DPYD: variants seen among roughly 807,000 people sequenced by gnomAD.
DPYD encodes the protein dihydropyrimidine dehydrogenase [NADP(+)].
DPYD carries 109 observed loss-of-function variants against 116.2 expected under a neutral mutation model. That is an observed-to-expected ratio of 0.94 (90% confidence interval 0.80 to 1.10). The LOEUF (loss-of-function observed/expected upper bound fraction) is 1.10, where lower values mean the gene tolerates loss of function less well. Among genes scored for constraint, DPYD ranks in the 50% least tolerant of loss-of-function variants. The probability of loss-of-function intolerance (pLI) is 0.00; values close to 1 mark genes in which losing one functional copy is unlikely to be tolerated. For synonymous variants in DPYD, 440 were observed against 432.0 expected (o/e 1.02, Z -0.23); for missense variants, 1,302 against 1,254.5 (o/e 1.04, Z -0.57).
intron 20 of DPYD, among the ~76,000 whole-genome samples, chr1:97,130,906 ACTCC>A (rs1246604713): frequency 1.2e-5 from 1 of 81,918 alleles, no homozygotes; most frequent in African/African-American, 4.7e-5. Context: ...TCCCTCCCTC[ACTCC>A]CTCCCTCCCT....
intron 3 of DPYD, among the ~76,000 whole-genome samples, chr1:97,768,975 C>A (rs1571327213): frequency 1.3e-5 from 2 of 151,392 alleles, no homozygotes; most frequent in East Asian, 3.9e-4. Context: ...AAGAAAAAAA[C>A]ACATAAAAAA....
chr1:97,337,434 C>A (rs759752471), intron 16 of DPYD, among the ~76,000 whole-genome samples: 6 of 152,122 alleles, frequency 3.9e-5, no homozygotes, highest in Non-Finnish European at 4.4e-5. Flanking sequence ...ACGAAAGCTA[C>A]TAATTTCCCA....
At chr1:97,866,411 C>A (rs540499253) in intron 2 of DPYD, among the ~76,000 whole-genome samples, 1 of 151,898 alleles carries the variant, frequency 6.6e-6, no homozygotes. Context: ...ATGTGAACTT[C>A]AATTTTTATA....
chr1:97,203,868 T>G (rs955597876), intron 19 of DPYD, among the ~76,000 whole-genome samples: 2 of 145,510 alleles, frequency 1.4e-5, no homozygotes, highest in African/African-American at 5.1e-5. Flanking sequence ...AAATAACATC[T>G]CAAATAGTCC....
chr1:97,411,373 A>T (rs1419434243), intron 14 of DPYD, among the ~76,000 whole-genome samples: 1 of 151,984 alleles, frequency 6.6e-6, no homozygotes, highest in Non-Finnish European at 1.5e-5. Flanking sequence ...CTCCCACTTT[A>T]TCATATTCCA....
At chr1:97,411,263 A>C (rs1673977354) in intron 14 of DPYD, among the ~76,000 whole-genome samples, 1 of 152,158 alleles carries the variant, frequency 6.6e-6, no homozygotes, top group African/African-American at 2.4e-5. Flanking sequence ...AGCTGGCACA[A>C]TAATGAAGCT....
intron 2 of DPYD, among the ~76,000 whole-genome samples, chr1:97,841,658 A>G (rs1670042543): frequency 6.6e-6 from 1 of 151,984 alleles, no homozygotes; most frequent in African/African-American, 2.4e-5. Flanking sequence ...CCTGAACCTG[A>G]CAGGATCATA....
chr1:97,872,758 T>C (rs1215442075), intron 2 of DPYD, among the ~76,000 whole-genome samples: 1 of 151,888 alleles, frequency 6.6e-6, no homozygotes, highest in African/African-American at 2.4e-5. Flanking sequence ...ATAGAACTTT[T>C]CGAGAAAAAA....
At chr1:97,283,860 A>G (rs1012398262) in intron 18 of DPYD, among the ~76,000 whole-genome samples, 3 of 152,142 alleles carry the variant, frequency 2.0e-5, no homozygotes, top group African/African-American at 7.2e-5. Flanking sequence ...GTCCAAGAGT[A>G]TAAGCCTTGG....
chr1:97,079,095 T>C lies in DPYD; in HGVS notation c.2959A>G (p.Thr987Ala). 1 of 1,613,770 alleles carries C rather than the reference T, an allele frequency of 6.2e-7. No individual in the cohort carries two copies. The highest frequency in any genetic ancestry group is 8.5e-7 in the Non-Finnish European group (1 of 1,179,738). ...ACACTGAGACACAGAGTACAGCCTG[T>C]ACAAGTGTCGGTTATGGTGGGCAGG... ...THLPTITDTC[T>A]GCTLCLSVCP... Residue 987 changes from threonine (T) to alanine (A), a missense_variant, in exon 23 of 23, where the codon ACA (threonine) becomes GCA (alanine). Physicochemically the swap from Thr to Ala is moderately conservative, Grantham distance 58. Transcript: ENST00000370192.
chr1:97,223,269 G>A (rs1309940684), intron 19 of DPYD, among the ~76,000 whole-genome samples: 2 of 151,982 alleles, frequency 1.3e-5, no homozygotes, highest in Admixed American at 1.3e-4. Flanking sequence ...AGTTCAGCGA[G>A]TGGCCGTCAT....
intron 19 of DPYD, among the ~76,000 whole-genome samples, chr1:97,203,642 AT>A (rs61493778): frequency 0.017 from 2,423 of 144,054 alleles, 91 homozygotes; most frequent in African/African-American, 0.057. Flanking sequence ...AATAAAAAAA[AT>A]AATAAAGGAT....
At chr1:97,399,913 C>T (rs929790812) in intron 14 of DPYD, among the ~76,000 whole-genome samples, 6 of 152,286 alleles carry the variant, frequency 3.9e-5, no homozygotes, top group Admixed American at 1.3e-4. Context: ...ATTTGACTTA[C>T]TCTTTTCCTA....
rs943478721 is a variant in DPYD, at chr1:97,686,119, G to GA, written c.762+5597dup. On this transcript the variant is annotated intron_variant, in intron 7 of 22. Transcript: ENST00000370192. ...CAGTAACCAAAACAGCATGGTACTG[G>GA]AAAAAAATAAACACATAGACCAATG... 3.3e-5 allele frequency among the ~76,000 whole-genome samples: 5 copies of GA among 151,954 alleles called. 1 individual carries two copies. The highest frequency in any genetic ancestry group is 7.4e-5 in the Non-Finnish European group (5 of 67,974).
At chr1:97,132,439 A>C (rs1653411934) in intron 20 of DPYD, among the ~76,000 whole-genome samples, 1 of 152,172 alleles carries the variant, frequency 6.6e-6, no homozygotes, top group African/African-American at 2.4e-5. Context: ...GATGGAGGAA[A>C]TCTTCACAGC....
intron 5 of DPYD, among the ~76,000 whole-genome samples, chr1:97,714,406 G>T (rs988503172): frequency 3.3e-5 from 5 of 151,850 alleles, no homozygotes; most frequent in Admixed American, 1.3e-4. Context: ...TAGAGATGGG[G>T]TTTTACCATG....
chr1:97,581,525 T>C (rs1653667490), intron 10 of DPYD, among the ~76,000 whole-genome samples: 1 of 151,534 alleles, frequency 6.6e-6, no homozygotes, highest in Admixed American at 6.6e-5. Flanking sequence ...GAGAACTGTT[T>C]AAGGCTATGA....
intron 19 of DPYD, among the ~76,000 whole-genome samples, chr1:97,216,348 T>C (rs1234005645): frequency 6.6e-6 from 1 of 152,158 alleles, no homozygotes; most frequent in East Asian, 1.9e-4. Context: ...CTATCCAAAA[T>C]AGCAATTTGT....
intron 19 of DPYD, among the ~76,000 whole-genome samples, chr1:97,193,674 G>A (rs1234302822): frequency 2.0e-5 from 3 of 152,098 alleles, no homozygotes; most frequent in African/African-American, 7.2e-5. Flanking sequence ...TGAGGTTGGA[G>A]TGCTGTTTAT....
Sources: gnomAD v4.1 joint callset for allele counts (sites outside exome capture counted in the v4.1 genomes callset) on GRCh38, gnomAD v4.1.1 for gene constraint, MANE v1.5 for transcripts, NCBI Gene and HGNC (gene_info 2026-07-23, HGNC 2026-07-21) for gene names.